Variants in GNB1L observed in about 807,000 individuals in gnomAD.
The protein encoded by GNB1L is guanine nucleotide-binding protein subunit beta-like protein 1.
A neutral mutation model predicts 29.1 loss-of-function variants in GNB1L; 20 were observed. The observed-to-expected ratio is 0.69, with a 90% CI of 0.48 to 1.00. The LOEUF is 1.00. Ranked by LOEUF, GNB1L falls within the 50% of genes least tolerant of loss-of-function variation. The pLI, the probability that GNB1L is intolerant of heterozygous loss-of-function variation, is 0.00. For synonymous variants in GNB1L, 193 were observed against 206.5 expected, an observed-to-expected ratio of 0.93 and a Z score of 0.56; for missense variants, 421 against 464.9, an observed-to-expected ratio of 0.91 and a Z score of 0.87.
intron 2 of GNB1L, among the ~76,000 whole-genome samples, chr22:19,833,502 C>T (rs1017232357): frequency 6.6e-6 from 1 of 152,070 alleles, no homozygotes; most frequent in African/African-American, 2.4e-5. Context: ...GAGTTCAAGG[C>T]TGCAGTGAGC....
intron 2 of GNB1L, among the ~76,000 whole-genome samples, chr22:19,826,352 C>A (rs1445577935): frequency 1.3e-5 from 2 of 152,216 alleles, no homozygotes; most frequent in Non-Finnish European, 2.9e-5. Flanking sequence ...ACCTGCAACC[C>A]AGGCCTCAAG....
At chr22:19,797,492 G>A (rs1243400882) in intron 7 of GNB1L, among the ~76,000 whole-genome samples, 1 of 152,186 alleles carries the variant, frequency 6.6e-6, no homozygotes, top group African/African-American at 2.4e-5. Flanking sequence ...TTGGAGAGAT[G>A]CAGTGAGATC....
chr22:19,811,808 G>A (rs1464927972), intron 5 of GNB1L, among the ~76,000 whole-genome samples: 3 of 151,902 alleles, frequency 2.0e-5, no homozygotes, highest in African/African-American at 4.8e-5. Context: ...CACCCTCCCT[G>A]CTGCCCTGGG....
At chr22:19,848,271 C>T in intron 2 of GNB1L, 15 of 985,434 alleles carry the variant, frequency 1.5e-5, no homozygotes, top group Non-Finnish European at 1.7e-5. Context: ...GAAAGCAGAG[C>T]CAGCACCATG....
intron 2 of GNB1L, chr22:19,848,255 T>C (rs2145903241): frequency 1.0e-6 from 1 of 985,274 alleles, no homozygotes; most frequent in African/African-American, 1.7e-5. Context: ...ACTGACACCA[T>C]GATTAGAAAG....
chr22:19,790,259 C>T (rs1253591962), intron 7 of GNB1L, among the ~76,000 whole-genome samples: 2 of 152,110 alleles, frequency 1.3e-5, no homozygotes, highest in Non-Finnish European at 2.9e-5. Flanking sequence ...GGGATTACGG[C>T]TATGGAACCG....
chr22:19,850,910 G>C (rs541280494), intron 2 of GNB1L: 1 of 1,361,026 alleles, frequency 7.3e-7, no homozygotes, highest in Non-Finnish European at 9.4e-7. Flanking sequence ...TGGGTGAGAC[G>C]GCACTCCCAG....
intron 2 of GNB1L, among the ~76,000 whole-genome samples, chr22:19,842,280 A>G (rs5748453): frequency 0.98 from 149,924 of 152,390 alleles, 73,757 homozygotes; most frequent in East Asian, 1. Context: ...GGGCTATCCC[A>G]GTCAGTTCAC....
intron 2 of GNB1L, among the ~76,000 whole-genome samples, chr22:19,840,849 A>G (rs1242799525): frequency 6.6e-6 from 1 of 152,088 alleles, no homozygotes; most frequent in Non-Finnish European, 1.5e-5. Context: ...AAATCCATCC[A>G]GGAATGGCAT....
At chr22:19,800,490 G>A (rs894441362) in intron 7 of GNB1L, among the ~76,000 whole-genome samples, 3 of 152,144 alleles carry the variant, frequency 2.0e-5, no homozygotes, top group African/African-American at 7.2e-5. Flanking sequence ...CAAGGGAGAC[G>A]CCCCTTCCAG....
intron 2 of GNB1L, among the ~76,000 whole-genome samples, chr22:19,829,121 C>T (rs891908140): frequency 9.2e-5 from 14 of 151,956 alleles, no homozygotes; most frequent in Admixed American, 3.9e-4. Flanking sequence ...CATGAGCCAC[C>T]GTGCCCGGCC....
At chr22:19,853,593 C>A (rs978035655) in intron 2 of GNB1L, among the ~76,000 whole-genome samples, 1 of 152,188 alleles carries the variant, frequency 6.6e-6, no homozygotes, top group Non-Finnish European at 1.5e-5. Context: ...TGCTGGCCAT[C>A]CCCCCTCAGG....
intron 2 of GNB1L, among the ~76,000 whole-genome samples, chr22:19,830,150 T>C (rs952459753): frequency 1.3e-5 from 2 of 152,102 alleles, no homozygotes; most frequent in Non-Finnish European, 2.9e-5. Flanking sequence ...CAGTGTACTA[T>C]GATCACACCT....
rs1348849430 is a variant in GNB1L at position 19,854,497 on chromosome 22, C to T, written c.-75G>A. On this transcript the variant is annotated 5_prime_UTR_variant, in exon 2 of 8. Coordinates refer to ENST00000329517, the MANE Select transcript of GNB1L (RefSeq NM_053004.3). The stretch of plus-strand genomic sequence containing the variant: ...GGTCCTGGGATCCGTAGCCACAGAC[C>T]GTGGGACGGGCCTCCCTCTGAGGGC... 6.5e-6 allele frequency: 1 copy of T among 152,702 alleles called. No individual in the cohort carries two copies. Among genetic ancestry groups the T allele is most frequent in the African/African-American group, 2.4e-5 (1 of 41,462 alleles). 9.5% of individuals were successfully genotyped at this position (152,702 alleles called of 1,614,324 possible). A position where few individuals can be genotyped will look rare whatever the true frequency, so the allele number is the denominator to read the frequency against.
At chr22:19,800,602 G>A (rs548775654) in intron 7 of GNB1L, among the ~76,000 whole-genome samples, 11 of 152,286 alleles carry the variant, frequency 7.2e-5, no homozygotes, top group African/African-American at 2.6e-4. Context: ...CACATCCACC[G>A]ACCACCCAGG....
At chr22:19,799,362 C>T (rs1233384199) in intron 7 of GNB1L, among the ~76,000 whole-genome samples, 1 of 152,248 alleles carries the variant, frequency 6.6e-6, no homozygotes, top group Non-Finnish European at 1.5e-5. Flanking sequence ...CTCAGGGCTC[C>T]AGTCACCACT....
intron 2 of GNB1L, chr22:19,848,410 G>T: frequency 1.0e-6 from 1 of 985,502 alleles, no homozygotes; most frequent in Non-Finnish European, 1.2e-6. Context: ...CCTTCCCCCA[G>T]CAGGAAAGCA....
chr22:19,845,568 G>C (rs1937942762), intron 2 of GNB1L, among the ~76,000 whole-genome samples: 1 of 152,222 alleles, frequency 6.6e-6, no homozygotes, highest in East Asian at 1.9e-4. Context: ...CCCCAGCCCT[G>C]TGCTGGGGGT....
In GNB1L at chr22:19,812,450, G is replaced by A; in HGVS notation, c.255-3C>T. The A allele has an allele frequency of 6.2e-7, 1 of 1,610,172 alleles. No individual in the cohort carries two copies. Among genetic ancestry groups the A allele is most frequent in the South Asian group, 1.1e-5 (1 of 90,756 alleles). ...ACAGCTTCAGGTCCCGGCCCTGACT[G>A]CCAGACAAAGAGGAGACAGGCCTGA... On this transcript the variant is annotated splice_polypyrimidine_tract_variant and splice_region_variant and intron_variant, in intron 4 of 7. Coordinates refer to ENST00000329517, the MANE Select transcript of GNB1L (RefSeq NM_053004.3).
Sources: gnomAD v4.1 joint callset for allele counts (sites outside exome capture counted in the v4.1 genomes callset) on GRCh38, gnomAD v4.1.1 for gene constraint, MANE v1.5 for transcripts, NCBI Gene and HGNC (gene_info 2026-07-23, HGNC 2026-07-21) for gene names.